TTC23: variants seen among roughly 807,000 people sequenced by gnomAD.
TTC23 encodes tetratricopeptide repeat domain 23.
In TTC23, 58 loss-of-function variants were observed where a neutral mutation model predicts 55.1. That is an observed-to-expected ratio of 1.05 (90% confidence interval 0.85 to 1.31). TTC23 has a LOEUF of 1.31. TTC23 is among the 50% of genes most tolerant of loss of function. The pLI is 0.00. For synonymous variants in TTC23, 203 were observed against 199.9 expected, an observed-to-expected ratio of 1.02 and a Z score of -0.13; for missense variants, 516 against 534.4, an observed-to-expected ratio of 0.97 and a Z score of 0.34.
At chr15:99,176,963 T>G (rs1021092059) in intron 9 of TTC23, among the ~76,000 whole-genome samples, 1 of 152,174 alleles carries the variant, frequency 6.6e-6, no homozygotes, top group Non-Finnish European at 1.5e-5. Context: ...CAGGGAACCC[T>G]AATTCAGTCC....
intron 9 of TTC23, among the ~76,000 whole-genome samples, chr15:99,199,658 T>C (rs2076039966): frequency 1.3e-5 from 2 of 152,130 alleles, no homozygotes; most frequent in East Asian, 1.9e-4. Context: ...TCTAAATAGA[T>C]ATTAAAGGAT....
intron 11 of TTC23, 141 bp from the exon 12 acceptor site, chr15:99,156,438 C>A: frequency 1.0e-6 from 1 of 1,000,236 alleles, no homozygotes; most frequent in South Asian, 1.6e-5. Context: ...CATTCTCATG[C>A]TGCTATGAAG....
chr15:99,203,128 G>T (rs1179449169), intron 8 of TTC23, among the ~76,000 whole-genome samples: 1 of 152,028 alleles, frequency 6.6e-6, no homozygotes, highest in African/African-American at 2.4e-5. Flanking sequence ...CAAAATCAGA[G>T]AAACTGATTG....
At chr15:99,244,525 T>G (rs1378153379) in intron 2 of TTC23, among the ~76,000 whole-genome samples, 1 of 152,046 alleles carries the variant, frequency 6.6e-6, no homozygotes, top group Non-Finnish European at 1.5e-5. Flanking sequence ...AAAATAAAAT[T>G]AAGAAAACAC....
chr15:99,217,886 A>C (rs1410920080), intron 8 of TTC23, among the ~76,000 whole-genome samples: 2 of 152,208 alleles, frequency 1.3e-5, no homozygotes, highest in Non-Finnish European at 2.9e-5. Context: ...TCTAGTTAGG[A>C]AGGTAAACTG....
chr15:99,229,265 A>G (rs1297572292), intron 4 of TTC23, among the ~76,000 whole-genome samples: 1 of 152,180 alleles, frequency 6.6e-6, no homozygotes, highest in Non-Finnish European at 1.5e-5. Context: ...AATTGTTGTT[A>G]CAACTTTTGC....
chr15:99,209,723 T>C (rs1249785109), intron 8 of TTC23, among the ~76,000 whole-genome samples: 1 of 152,124 alleles, frequency 6.6e-6, no homozygotes, highest in East Asian at 1.9e-4. Flanking sequence ...GCTAGTGTGG[T>C]TTTAAAAAAA....
chr15:99,167,031 TTG>T (rs2072203420), intron 10 of TTC23, among the ~76,000 whole-genome samples: 1 of 152,180 alleles, frequency 6.6e-6, no homozygotes, highest in African/African-American at 2.4e-5. Context: ...CAAATTAACT[TTG>T]AGAACTAAAT....
intron 12 of TTC23, chr15:99,145,361 A>G (rs547114481): frequency 6.6e-6 from 1 of 152,358 alleles, no homozygotes; most frequent in Non-Finnish European, 1.5e-5. Flanking sequence ...TAAACGTGTC[A>G]ACAACTTGTG....
chr15:99,237,734 G>A (rs543713888), intron 3 of TTC23, among the ~76,000 whole-genome samples: 3 of 152,222 alleles, frequency 2.0e-5, no homozygotes, highest in East Asian at 1.9e-4. Flanking sequence ...AACTTTTTGT[G>A]GTGGTGGATA....
At chr15:99,225,555 A>C (rs764713071) in intron 5 of TTC23, among the ~76,000 whole-genome samples, 1 of 152,240 alleles carries the variant, frequency 6.6e-6, no homozygotes, top group Non-Finnish European at 1.5e-5. Flanking sequence ...AGCTTCCATG[A>C]AAATAACAGG....
Position 99,175,127 on chromosome 15 carries a change from G to C in TTC23, c.788C>G (p.Pro263Arg), listed in dbSNP as rs550285210. 2 of 1,614,130 alleles carry C rather than the reference G, an allele frequency of 1.2e-6. No individual in the cohort carries two copies. The highest frequency in any genetic ancestry group is 3.3e-5 in the Admixed American group (2 of 60,016). The change falls in exon 10 of 14, where the codon CCC becomes CGC. Residue 263 changes from proline (P) to arginine (R), a missense_variant. By Grantham distance (103) the Pro-to-Arg change is moderately radical. Coordinates refer to ENST00000394132, the MANE Select transcript of TTC23 (RefSeq NM_001288615.3). Reference sequence around the variant, plus strand: ...CGAGTCTGCTGCCTCCACTTGAGAGGGGCTTCTACTCAGGATGATAAGATG... The same window carrying C: ...CGAGTCTGCTGCCTCCACTTGAGAGCGGCTTCTACTCAGGATGATAAGATG... Reference protein sequence around the residue: ...QAHLIILSRSPSQVEAADSAH... With the variant: ...QAHLIILSRSRSQVEAADSAH...
chr15:99,245,756 A>C (rs2080189000), intron 1 of TTC23, among the ~76,000 whole-genome samples: 1 of 152,174 alleles, frequency 6.6e-6, no homozygotes, highest in Non-Finnish European at 1.5e-5. Flanking sequence ...AATGGAGTAA[A>C]GACTTAACAG....
At chr15:99,148,670 C>T (rs1194118245) in intron 12 of TTC23, 3 of 152,200 alleles carry the variant, frequency 2.0e-5, no homozygotes, top group Non-Finnish European at 4.4e-5. Flanking sequence ...GTTCCTGATC[C>T]ATGAAGCCGC....
chr15:99,145,958 C>T (rs1209372311), intron 12 of TTC23, among the ~76,000 whole-genome samples: 1 of 152,204 alleles, frequency 6.6e-6, no homozygotes, highest in Non-Finnish European at 1.5e-5. Context: ...TGAGTATCTC[C>T]TGGGTGCCAG....
chr15:99,204,632 G>GTTTTTTTTTTT (rs56890685), intron 8 of TTC23, among the ~76,000 whole-genome samples: 914 of 60,852 alleles, frequency 0.015, 189 homozygotes, highest in Non-Finnish European at 0.018. Context: ...TAGATTTAAG[G>GTTTTTTTTTTT]TTTTTTTTTT....
rs143917219 is a variant in TTC23 at position 99,178,801 on chromosome 15, G to C, written c.760-3646C>G. On this transcript the variant is annotated intron_variant, in intron 9 of 13. Transcript: ENST00000394132. ...ATGTAAACAGGTTAATGGAGGAAAA[G>C]AGGTCAATAAAATGATCCCTGGCAT... Among the ~76,000 whole-genome samples, 608 of 152,340 alleles carry C rather than the reference G, an allele frequency of 4.0e-3. 2 individuals are homozygous for C. The highest frequency in any genetic ancestry group is 7.3e-3 in the Non-Finnish European group (497 of 68,042).
chr15:99,203,004 T>C (rs1195972814), intron 8 of TTC23, among the ~76,000 whole-genome samples: 1 of 152,194 alleles, frequency 6.6e-6, no homozygotes, highest in East Asian at 1.9e-4. Flanking sequence ...CCTCCCAACC[T>C]GCACACCATA....
intron 9 of TTC23, among the ~76,000 whole-genome samples, chr15:99,189,763 G>C (rs1193868581): frequency 6.6e-6 from 1 of 152,174 alleles, no homozygotes; most frequent in Non-Finnish European, 1.5e-5. Context: ...AAGAAGAGAA[G>C]AGCCATGACA....
Sources: gnomAD v4.1 joint callset for allele counts (sites outside exome capture counted in the v4.1 genomes callset) on GRCh38, gnomAD v4.1.1 for gene constraint, MANE v1.5 for transcripts, NCBI Gene and HGNC (gene_info 2026-07-23, HGNC 2026-07-21) for gene names.